Variants in MYT1 observed in about 807,000 individuals in gnomAD.
The protein encoded by MYT1 is myelin transcription factor 1.
In MYT1, 23 loss-of-function variants were observed where a neutral mutation model predicts 123.0. That is an observed-to-expected ratio of 0.19 (90% CI 0.13 to 0.26). MYT1 has a LOEUF of 0.26. MYT1 is among the 10% of genes least tolerant of loss of function. The pLI is 1.00. For synonymous variants in MYT1, 518 were observed against 575.3 expected (o/e 0.90, Z 1.43); for missense variants, 1,125 against 1,472.5 (o/e 0.76, Z 3.86).
chr20:64,232,595 C>T lies in MYT1; in HGVS notation c.2897+210C>T, dbSNP rs961426489. 5.3e-5 allele frequency among the ~76,000 whole-genome samples: 8 copies of T among 152,242 alleles called. No homozygotes were observed. Among genetic ancestry groups the T allele is most frequent in the East Asian group, 3.9e-4 (2 of 5,170 alleles). On this transcript the variant is annotated intron_variant, in intron 19 of 22. Coordinates refer to ENST00000328439, the MANE Select transcript of MYT1 (RefSeq NM_004535.3). The surrounding 1 kb of genome is among the most constrained non-coding windows in gnomAD (Gnocchi z 6.9). ...TGCTGTGGGTTATGTCTTCGCCATG[C>T]GTCTCCCCTCATACGCCACCCTTCC...
rs1982083070 is a variant in MYT1, at chr20:64,166,372, C to T, written c.-99+1633C>T. ...GAGACTGAGACTCCTACAGGGTCCCCCCGACCCCCTGGGCACCTGGACGTT... is the reference window on the plus strand; with the variant it reads ...GAGACTGAGACTCCTACAGGGTCCCTCCGACCCCCTGGGCACCTGGACGTT... On this transcript the variant is annotated intron_variant, in intron 1 of 22. Coordinates refer to ENST00000328439, the MANE Select transcript of MYT1 (RefSeq NM_004535.3). This position sits in a 1 kb window ranked among gnomAD's most constrained non-coding sequence, Gnocchi z 4.9. Among the ~76,000 whole-genome samples, 1 of 152,144 alleles carries T rather than the reference C, an allele frequency of 6.6e-6. No homozygotes were observed. Among genetic ancestry groups the T allele is most frequent in the South Asian group, 2.1e-4 (1 of 4,822 alleles).
In MYT1 at chr20:64,190,538, G is replaced by A. The variant is rs1395637020; in HGVS notation, c.-1+378G>A. ...AAAACACAAAAATTAGCCGGGCATG[G>A]TGGCATGCGCCTGTAATCCCAGCTA... On this transcript the variant is annotated intron_variant, in intron 2 of 22. Transcript: ENST00000328439. This position sits in a 1 kb window ranked among gnomAD's most constrained non-coding sequence, Gnocchi z 4.1. 2.7e-5 allele frequency among the ~76,000 whole-genome samples: 4 copies of A among 148,812 alleles called. No homozygotes were observed. The highest frequency in any genetic ancestry group is 5.9e-5 in the Non-Finnish European group (4 of 67,680).
In MYT1 at chr20:64,196,977, T is replaced by C. The variant is rs992901263; in HGVS notation, c.1-1885T>C. Among the ~76,000 whole-genome samples the C allele has an allele frequency of 2.0e-4, 30 of 152,368 alleles. 1 individual carries two copies. The South Asian group carries it at 3.3e-3, about 17-fold the overall frequency. On this transcript the variant is annotated intron_variant, in intron 2 of 22. Coordinates refer to ENST00000328439, the MANE Select transcript of MYT1 (RefSeq NM_004535.3). The surrounding 1 kb of genome is among the most constrained non-coding windows in gnomAD (Gnocchi z 4.3). ...TTGTACGTCCTGCATCGGAAGGCAT[T>C]GCACACGGGCTCAGAGCAGACGACA...
At chr20:64,235,605 C>T (rs1270755655) in intron 19 of MYT1, among the ~76,000 whole-genome samples, 2 of 142,214 alleles carry the variant, frequency 1.4e-5, no homozygotes, top group African/African-American at 5.3e-5. Context: ...TGGTGGGTGA[C>T]CCCGAGCTGG....
At chr20:64,169,517 C>A (rs143297507) in intron 1 of MYT1, among the ~76,000 whole-genome samples, 6 of 152,258 alleles carry the variant, frequency 3.9e-5, no homozygotes, top group Non-Finnish European at 8.8e-5. Flanking sequence ...GGACAAGTTC[C>A]CTCTTGGCTC....
At chr20:64,195,398 A>T (rs868274230) in intron 2 of MYT1, among the ~76,000 whole-genome samples, 19 of 6,348 alleles carry the variant, frequency 3.0e-3, no homozygotes, top group Admixed American at 4.6e-3. Context: ...GTGTGTGTGT[A>T]TACTTTTTTT....
At chr20:64,177,638 A>T (rs114666628) in intron 1 of MYT1, among the ~76,000 whole-genome samples, 21 of 146,686 alleles carry the variant, frequency 1.4e-4, no homozygotes, top group African/African-American at 4.9e-4. Flanking sequence ...GGCGGGGACA[A>T]GAGGGCACCC....
intron 1 of MYT1, among the ~76,000 whole-genome samples, chr20:64,183,139 T>C (rs1008932225): frequency 3.3e-5 from 5 of 152,294 alleles, no homozygotes; most frequent in Non-Finnish European, 4.4e-5. Context: ...AATTGTTCAA[T>C]ATGTGGTCTT....
Position 64,232,635 on chromosome 20 carries a change from T to C in MYT1, c.2897+250T>C, listed in dbSNP as rs926482842. Among the ~76,000 whole-genome samples, 1 of 152,042 alleles carries C rather than the reference T, an allele frequency of 6.6e-6. No homozygotes were observed. The highest frequency in any genetic ancestry group is 1.5e-5 in the Non-Finnish European group (1 of 68,002). ...GCCACCCTTCCACATCCTGATGGAG[T>C]CCTTCCTGGCTGGGTGTTATGCTGG... On this transcript the variant is annotated intron_variant, in intron 19 of 22. Coordinates refer to ENST00000328439, the MANE Select transcript of MYT1 (RefSeq NM_004535.3). The surrounding 1 kb of genome is among the most constrained non-coding windows in gnomAD (Gnocchi z 6.9).
chr20:64,176,639 C>A (rs1052689893), intron 1 of MYT1, among the ~76,000 whole-genome samples: 1 of 152,238 alleles, frequency 6.6e-6, no homozygotes, highest in Non-Finnish European at 1.5e-5. Context: ...GATGTTCTCG[C>A]CCCAGAAGGA....
chr20:64,223,095 T>C lies in MYT1; in HGVS notation c.2397-16T>C. 6.2e-7 allele frequency: 1 copy of C among 1,613,870 alleles called. No individual in the cohort carries two copies. Reference sequence around the variant, plus strand: ...CACACCACTCTCCGGTCTGACACTCTTTTTCCTTTGTCCAGCTGTCCCACC... The same window carrying C: ...CACACCACTCTCCGGTCTGACACTCCTTTTCCTTTGTCCAGCTGTCCCACC... On this transcript the variant is annotated splice_polypyrimidine_tract_variant and intron_variant, in intron 14 of 22. Transcript: ENST00000328439.
rs1984331211 is a variant in MYT1 at position 64,231,942 on chromosome 20, G to A, written c.2676-222G>A. On this transcript the variant is annotated intron_variant, in intron 18 of 22. Transcript: ENST00000328439. This position sits in a 1 kb window ranked among gnomAD's most constrained non-coding sequence, Gnocchi z 6.4. ...GAGACCCCAGTCATGCAGGGGCTGT[G>A]AGGCCAAAGCGGAAGAGGGAGCGTG... Among the ~76,000 whole-genome samples, 1 of 152,204 alleles carries A rather than the reference G, an allele frequency of 6.6e-6. No individual in the cohort carries two copies. Among genetic ancestry groups the A allele is most frequent in the Admixed American group, 6.5e-5 (1 of 15,288 alleles).
At chr20:64,225,245 G>A (rs1361755934) in intron 16 of MYT1, among the ~76,000 whole-genome samples, 1 of 152,220 alleles carries the variant, frequency 6.6e-6, no homozygotes, top group East Asian at 1.9e-4. Context: ...CACCTCCTGT[G>A]TGAGGCGGCA....
At chr20:64,206,745 GA>G (rs1257421705) in intron 6 of MYT1, among the ~76,000 whole-genome samples, 3 of 152,194 alleles carry the variant, frequency 2.0e-5, no homozygotes, top group Non-Finnish European at 4.4e-5. Context: ...TTCTTATCAA[GA>G]AGGGCGTCTG....
chr20:64,207,583 A>G lies in MYT1; in HGVS notation c.398-11A>G, dbSNP rs1231408073. On this transcript the variant is annotated splice_polypyrimidine_tract_variant and intron_variant, in intron 6 of 22. Transcript: ENST00000328439. ...CTCTCTGGCCCCCACGTTGATTTTG[A>G]TTTTGTGCAGGAAGGAGCCCCGTCA... 3 of 1,607,500 alleles carry G rather than the reference A, an allele frequency of 1.9e-6. No individual in the cohort carries two copies. Among genetic ancestry groups the G allele is most frequent in the Admixed American group, 1.7e-5 (1 of 59,746 alleles).
At chr20:64,211,849 C>T (rs372527793) in intron 8 of MYT1, among the ~76,000 whole-genome samples, 199 bp from the exon 9 acceptor site, 1 of 151,868 alleles carries the variant, frequency 6.6e-6, no homozygotes, top group African/African-American at 2.4e-5. Flanking sequence ...ATGCCCTGAC[C>T]AGGCTGAGGG....
In MYT1 at chr20:64,190,840, G is replaced by T. The variant is rs1010433029; in HGVS notation, c.-1+680G>T. On this transcript the variant is annotated intron_variant, in intron 2 of 22. Transcript: ENST00000328439. The surrounding 1 kb of genome is among the most constrained non-coding windows in gnomAD (Gnocchi z 4.1). Reference sequence around the variant, plus strand: ...AAAAATTAGCCGGGCATGGTGGCATGCGCCTGTAATCCCAGCTACTGGGGA... The same window carrying T: ...AAAAATTAGCCGGGCATGGTGGCATTCGCCTGTAATCCCAGCTACTGGGGA... 5.9e-5 allele frequency among the ~76,000 whole-genome samples: 9 copies of T among 152,088 alleles called. No homozygotes were observed. Among genetic ancestry groups the T allele is most frequent in the Admixed American group, 5.9e-4 (9 of 15,276 alleles).
In MYT1 at chr20:64,192,649, A is replaced by G. The variant is rs1460940441; in HGVS notation, c.-1+2489A>G. Among the ~76,000 whole-genome samples, 2 of 152,232 alleles carry G rather than the reference A, an allele frequency of 1.3e-5. No individual in the cohort carries two copies. The highest frequency in any genetic ancestry group is 2.9e-5 in the Non-Finnish European group (2 of 68,040). On this transcript the variant is annotated intron_variant, in intron 2 of 22. Transcript: ENST00000328439. The surrounding 1 kb of genome is among the most constrained non-coding windows in gnomAD (Gnocchi z 5.3). The stretch of plus-strand genomic sequence containing the variant: ...AAGTCAGGTGGTCGTGTGTCGGGGT[A>G]TGCAGGAGCTGATGGTAGCTCCTCA...
intron 12 of MYT1, among the ~76,000 whole-genome samples, chr20:64,219,388 C>T (rs1983929964): frequency 1.3e-5 from 2 of 152,196 alleles, no homozygotes; most frequent in Non-Finnish European, 2.9e-5. Flanking sequence ...GTGCACGTGC[C>T]CTGTTCACAC....
Sources: gnomAD v4.1 joint callset for allele counts (sites outside exome capture counted in the v4.1 genomes callset) on GRCh38, gnomAD v4.1.1 for gene constraint, Gnocchi (gnomAD v3.1) non-coding constraint, MANE v1.5 for transcripts, NCBI Gene and HGNC (gene_info 2026-07-23, HGNC 2026-07-21) for gene names.